RAET1E: variants seen among roughly 807,000 people sequenced by gnomAD.
RAET1E encodes NKG2D ligand 4.
A neutral mutation model predicts 21.1 loss-of-function variants in RAET1E; 27 were observed. That is an observed-to-expected ratio of 1.28 (90% CI 0.94 to 1.76). The LOEUF is 1.76. Among genes scored for constraint, RAET1E ranks in the 40% most tolerant of loss-of-function variants. The pLI is 0.00. For synonymous variants in RAET1E, 113 were observed against 115.0 expected (o/e 0.98, Z 0.11); for missense variants, 310 against 311.3 (o/e 1.00, Z 0.03).
chr6:149,895,500 C>T (rs1400210228), intron 2 of RAET1E: 2 of 152,252 alleles, frequency 1.3e-5, no homozygotes, highest in African/African-American at 2.4e-5. Flanking sequence ...GACCTTAAAA[C>T]CATTTCCTCA....
intron 3 of RAET1E, 161 bp from the exon 4 acceptor site, chr6:149,890,306 C>T (rs1777831061): frequency 7.0e-6 from 5 of 716,786 alleles, no homozygotes; most frequent in Admixed American, 5.7e-5. Flanking sequence ...TCCCATCTCT[C>T]CCTGACTGTC....
intron 2 of RAET1E, 66 bp downstream of exon 2, chr6:149,895,780 T>C (rs1293658980): frequency 6.6e-6 from 1 of 152,248 alleles, no homozygotes; most frequent in African/African-American, 2.4e-5. Flanking sequence ...CCTGCTACCT[T>C]AGCCAGTTCA....
rs1401954431 is a variant in RAET1E at position 149,890,085 on chromosome 6, C to G, written c.146G>C (p.Trp49Ser). The change falls in exon 4 of 6, where the codon TGG (tryptophan) becomes TCG (serine). Residue 49 changes from tryptophan (W) to serine (S), a missense_variant. Physicochemically the swap from Trp to Ser is radical, Grantham distance 177. Transcript: ENST00000357183. ...ATTCAAGAAGACCTGCGCTTCACAC[C>G]AGGGCTGTCCAGGTCTGGACAATGA... ...IKSLSRPGQP[W>S]CEAQVFLNKN... The G allele has an allele frequency of 1.9e-6, 3 of 1,613,736 alleles. No individual in the cohort carries two copies. In the African/African-American group the frequency reaches 4.0e-5, roughly 22 times the overall value.
At chr6:149,891,091 G>C (rs555094056) in intron 2 of RAET1E, 57 bp from the exon 3 acceptor site, 4 of 513,308 alleles carry the variant, frequency 7.8e-6, no homozygotes, top group African/African-American at 7.6e-5. Flanking sequence ...CAAGTATTCA[G>C]AATATAATCA....
Position 149,889,957 on chromosome 6 carries a change from G to C in RAET1E, c.274C>G (p.Gln92Glu), listed in dbSNP as rs1179565828. 6.2e-7 allele frequency: 1 copy of C among 1,613,934 alleles called. No homozygotes were observed. The highest frequency in any genetic ancestry group is 8.5e-7 in the Non-Finnish European group (1 of 1,179,998). ...YATSTWGELT[Q>E]TLGEVGRDLR... The stretch of plus-strand genomic sequence containing the variant: ...TCTCGCCCCACTTCTCCCAGCGTTT[G>C]GGTCAATTCTCCCCAAGTGCTGGTG... The change falls in exon 4 of 6, where the codon CAA becomes GAA. Residue 92 changes from glutamine (Q) to glutamate (E), a missense_variant. Physicochemically the swap from Gln to Glu is conservative, Grantham distance 29. Transcript: ENST00000357183.
At chr6:149,897,068 C>G (rs934414483) in intron 1 of RAET1E, among the ~76,000 whole-genome samples, 3 of 152,216 alleles carry the variant, frequency 2.0e-5, no homozygotes, top group East Asian at 3.8e-4. Context: ...AGGTCTTGCT[C>G]TGTCATCCAG....
intron 2 of RAET1E, among the ~76,000 whole-genome samples, chr6:149,894,994 T>C (rs962556201): frequency 1.3e-5 from 2 of 152,218 alleles, no homozygotes; most frequent in African/African-American, 4.8e-5. Context: ...TTTGTTTCTT[T>C]TCCTTCTAAC....
Position 149,888,682 on chromosome 6 carries a change from A to AAAAG in RAET1E, c.623-16_623-15insCTTT, listed in dbSNP as rs1554263141. The AAAAG allele has an allele frequency of 4.1e-5, 64 of 1,555,510 alleles. No homozygotes were observed. Among genetic ancestry groups the AAAAG allele is most frequent in the Non-Finnish European group, 5.0e-5 (58 of 1,163,250 alleles). On this transcript the variant is annotated splice_polypyrimidine_tract_variant and intron_variant, in intron 5 of 5. Coordinates refer to ENST00000357183, the MANE Select transcript of RAET1E (RefSeq NM_001394057.1). ...TACTGGTGACACTAAAAAAAAAAAA[A>AAAAG]AAAAGAAAAAAAAGCACAAGCCCTG...
Position 149,884,401 on chromosome 6 carries a change from A to C in RAET1E, c.*4097T>G. 2 of 1,252,192 alleles carry C rather than the reference A, an allele frequency of 1.6e-6. No individual in the cohort carries two copies. The highest frequency in any genetic ancestry group is 2.6e-5 in the South Asian group (2 of 78,250). 77.6% of individuals were successfully genotyped at this position (1,252,192 alleles called of 1,614,324 possible). The stretch of plus-strand genomic sequence containing the variant: ...TCATTGCAGGCTCCGCCTCCACTTG[A>C]CTCAGGGAACACACAGCAGTGGGAG... On this transcript the variant is annotated 3_prime_UTR_variant, in exon 6 of 6. Coordinates refer to ENST00000357183, the MANE Select transcript of RAET1E (RefSeq NM_001394057.1).
intron 2 of RAET1E, among the ~76,000 whole-genome samples, chr6:149,895,193 C>T (rs561090900): frequency 4.6e-5 from 7 of 152,322 alleles, no homozygotes; most frequent in South Asian, 2.1e-4. Flanking sequence ...AGGTGTCTGT[C>T]GGCCCCTACT....
At chr6:149,893,926 T>C (rs1353218635) in intron 2 of RAET1E, among the ~76,000 whole-genome samples, 2 of 152,264 alleles carry the variant, frequency 1.3e-5, no homozygotes, top group Admixed American at 6.5e-5. Flanking sequence ...TGTTGAATTT[T>C]ATCAAAGTTC....
At chr6:149,897,068 C>T (rs934414483) in intron 1 of RAET1E, among the ~76,000 whole-genome samples, 1 of 152,216 alleles carries the variant, frequency 6.6e-6, no homozygotes, top group Non-Finnish European at 1.5e-5. Context: ...AGGTCTTGCT[C>T]TGTCATCCAG....
At position 149,884,219 on chromosome 6, in the gene RAET1E, C is replaced by T; in HGVS notation, c.*4279G>A. Reference sequence around the variant, plus strand: ...CTTCAGATTCCTGGGCTCAAGTGATCCTCCTGCCTAGGCCTCCCAAAGTGT... The same window carrying T: ...CTTCAGATTCCTGGGCTCAAGTGATTCTCCTGCCTAGGCCTCCCAAAGTGT... On this transcript the variant is annotated 3_prime_UTR_variant, in exon 6 of 6. Coordinates refer to ENST00000357183, the MANE Select transcript of RAET1E (RefSeq NM_001394057.1). 4.7e-6 allele frequency: 2 copies of T among 424,048 alleles called. No individual in the cohort carries two copies. Among genetic ancestry groups the T allele is most frequent in the South Asian group, 3.7e-5 (1 of 26,770 alleles). 26.3% of individuals were successfully genotyped at this position (424,048 alleles called of 1,614,324 possible). A position where few individuals can be genotyped will look rare whatever the true frequency, so the allele number is the denominator to read the frequency against.
chr6:149,894,218 G>C (rs1160769526), intron 2 of RAET1E, among the ~76,000 whole-genome samples: 1 of 152,188 alleles, frequency 6.6e-6, no homozygotes, highest in African/African-American at 2.4e-5. Flanking sequence ...ATGAGTTAGG[G>C]AGGATTCCCT....
chr6:149,889,601 C>G lies in RAET1E; in HGVS notation c.369G>C (p.Glu123Asp). Residue 123 changes from glutamate (E) to aspartate (D), a missense_variant, in exon 5 of 6, where the codon GAG (glutamate) becomes GAC (aspartate). Transcript: ENST00000357183. ...KTSDPSTLQV[E>D]MFCQREAERC... ...GTTCTGCTTCACGTTGACAAAACAT[C>G]TCGACTTGCAGAGTGGAAGGATCTG... 1 of 1,614,178 alleles carries G rather than the reference C, an allele frequency of 6.2e-7. No homozygotes were observed. Among genetic ancestry groups the G allele is most frequent in the Non-Finnish European group, 8.5e-7 (1 of 1,180,030 alleles).
At chr6:149,890,252 G>C (rs530020593) in intron 3 of RAET1E, 107 bp from the exon 4 acceptor site, 1 of 1,233,216 alleles carries the variant, frequency 8.1e-7, no homozygotes, top group Non-Finnish European at 1.1e-6. Context: ...TAGCAGAGGC[G>C]GGGCAGCTCC....
chr6:149,889,685 G>A, intron 4 of RAET1E, 62 bp from the exon 5 acceptor site: 3 of 1,578,768 alleles, frequency 1.9e-6, no homozygotes, highest in Non-Finnish European at 2.6e-6. Flanking sequence ...TCCTCCAATA[G>A]GTCAAGTGTT....
Position 149,885,587 on chromosome 6 carries a change from TACCTG to T in RAET1E, c.*2906_*2910del, listed in dbSNP as rs1292336706. The T allele has an allele frequency of 2.6e-5, 4 of 152,408 alleles. No homozygotes were observed. Among genetic ancestry groups the T allele is most frequent in the Non-Finnish European group, 5.9e-5 (4 of 68,202 alleles). The allele number at this position is 152,408 out of a possible 1,614,324, so 9.4% of individuals were successfully genotyped here. A position where few individuals can be genotyped will look rare whatever the true frequency, so the allele number is the denominator to read the frequency against. On this transcript the variant is annotated 3_prime_UTR_variant, in exon 6 of 6. Coordinates refer to ENST00000357183, the MANE Select transcript of RAET1E (RefSeq NM_001394057.1). The stretch of plus-strand genomic sequence containing the variant: ...CTCATACTCTGTTTTGCTCACAGTA[TACCTG>T]ATGCCCTCCCTCCTGACCTGTGATT...
At position 149,889,589 on chromosome 6, in the gene RAET1E, T is replaced by C. The variant is rs1020189829; in HGVS notation, c.381A>G (p.Gln127=). Residue 127 remains glutamine (Q), a synonymous_variant, in exon 5 of 6, where the codon CAA becomes CAG. Transcript: ENST00000357183. The part of the protein sequence containing the change: ...PSTLQVEMFC[Q]REAERCTGAS... The stretch of plus-strand genomic sequence containing the variant: ...CACCAGTGCACCGTTCTGCTTCACG[T>C]TGACAAAACATCTCGACTTGCAGAG... The C allele has an allele frequency of 1.8e-5, 29 of 1,614,092 alleles. No individual in the cohort carries two copies. The highest frequency in any genetic ancestry group is 2.7e-5 in the African/African-American group (2 of 74,940).
Sources: gnomAD v4.1 joint callset for allele counts (sites outside exome capture counted in the v4.1 genomes callset) on GRCh38, gnomAD v4.1.1 for gene constraint, MANE v1.5 for transcripts, NCBI Gene and HGNC (gene_info 2026-07-23, HGNC 2026-07-21) for gene names.